Variants in TENM2 observed in about 807,000 individuals in gnomAD.
TENM2 encodes teneurin transmembrane protein 2.
A neutral mutation model predicts 245.2 loss-of-function variants in TENM2; 52 were observed. The ratio of observed to expected loss-of-function variants is 0.21; its 90% CI spans 0.17 to 0.27. The LOEUF is 0.27. Ranked by LOEUF, TENM2 falls within the 10% of genes least tolerant of loss-of-function variation. The probability of loss-of-function intolerance (pLI) is 1.00; values close to 1 mark genes in which losing one functional copy is unlikely to be tolerated. For synonymous variants in TENM2, 1,363 were observed against 1,438.9 expected (o/e 0.95, Z 1.19); for missense variants, 3,046 against 3,666.8 (o/e 0.83, Z 4.37).
At chr5:167,207,564 C>T in the TENM2 span, among the ~76,000 whole-genome samples, 5 of 152,136 alleles carry the variant, frequency 3.3e-5, 1 homozygote, top group South Asian at 4.1e-4. Context: ...CAGCCAGACA[C>T]GGAGTTAGAA....
At chr5:167,207,390 A>G in the TENM2 span, among the ~76,000 whole-genome samples, 1 of 152,188 alleles carries the variant, frequency 6.6e-6, no homozygotes. Context: ...AGGCCTGGTG[A>G]GATCAGATGT....
intron 2 of TENM2, among the ~76,000 whole-genome samples, chr5:167,414,680 C>T (rs1040787377): frequency 1.3e-5 from 2 of 152,046 alleles, no homozygotes; most frequent in African/African-American, 2.4e-5. Context: ...ACAGATTTAT[C>T]TGTGAAGTCT....
intron 3 of TENM2, among the ~76,000 whole-genome samples, chr5:167,935,285 T>C (rs996747760): frequency 2.0e-5 from 3 of 152,178 alleles, no homozygotes; most frequent in Non-Finnish European, 4.4e-5. Flanking sequence ...AAGACCCTAT[T>C]GTGAGCCTAG....
chr5:167,797,530 G>A (rs1165006600), intron 2 of TENM2, among the ~76,000 whole-genome samples: 1 of 152,192 alleles, frequency 6.6e-6, no homozygotes, highest in East Asian at 1.9e-4. Flanking sequence ...AAGCGTTTGT[G>A]GCAGTGGGGC....
At chr5:167,222,599 G>A in the TENM2 span, among the ~76,000 whole-genome samples, 1 of 143,526 alleles carries the variant, frequency 7.0e-6, no homozygotes, top group East Asian at 2.0e-4. Context: ...CTGGAAAAAT[G>A]AATCACTTTT....
chr5:167,550,846 C>T (rs1333479742), intron 2 of TENM2, among the ~76,000 whole-genome samples: 1 of 151,948 alleles, frequency 6.6e-6, no homozygotes, highest in Non-Finnish European at 1.5e-5. Context: ...TCTTCTGCCT[C>T]AGCCTCCAAG....
the TENM2 span, among the ~76,000 whole-genome samples, chr5:167,034,629 CAAAAAAAAAAAA>C: frequency 1.4e-5 from 1 of 72,256 alleles, no homozygotes; most frequent in African/African-American, 6.2e-5. Flanking sequence ...GACTCCGTCT[CAAAAAAAAAAAA>C]AAAAAAAAAA....
At chr5:167,093,132 A>T in the TENM2 span, among the ~76,000 whole-genome samples, 1 of 151,850 alleles carries the variant, frequency 6.6e-6, no homozygotes, top group East Asian at 1.9e-4. Flanking sequence ...TCTACGAAAG[A>T]GGATTCATTT....
chr5:167,041,301 C>T, the TENM2 span, among the ~76,000 whole-genome samples: 1 of 152,120 alleles, frequency 6.6e-6, no homozygotes, highest in Non-Finnish European at 1.5e-5. Flanking sequence ...AGAGAAGATT[C>T]CCTCCACAGG....
intron 3 of TENM2, among the ~76,000 whole-genome samples, chr5:167,935,699 C>G (rs1348702862): frequency 6.6e-6 from 1 of 152,102 alleles, no homozygotes; most frequent in Non-Finnish European, 1.5e-5. Flanking sequence ...GATCTGAGAA[C>G]TAAAAGATGA....
chr5:167,575,646 C>A (rs1322448355), intron 2 of TENM2, among the ~76,000 whole-genome samples: 1 of 152,140 alleles, frequency 6.6e-6, no homozygotes. Flanking sequence ...CAGAGATAAT[C>A]TCTGGTGGAA....
At chr5:167,841,013 C>G (rs1255159888) in intron 2 of TENM2, among the ~76,000 whole-genome samples, 1 of 152,022 alleles carries the variant, frequency 6.6e-6, no homozygotes, top group Non-Finnish European at 1.5e-5. Context: ...GGCAGGCTGT[C>G]CATTCATTGG....
At chr5:167,677,525 C>T (rs1756413048) in intron 2 of TENM2, among the ~76,000 whole-genome samples, 1 of 151,588 alleles carries the variant, frequency 6.6e-6, no homozygotes. Flanking sequence ...TGTCAGAATA[C>T]ATTATGGCAT....
intron 1 of TENM2, among the ~76,000 whole-genome samples, chr5:167,328,651 C>T (rs1397251126): frequency 2.0e-5 from 3 of 152,190 alleles, no homozygotes; most frequent in Admixed American, 1.3e-4. Context: ...CACACTACCT[C>T]ATGGTATTTT....
chr5:167,205,268 C>G, the TENM2 span, among the ~76,000 whole-genome samples: 1 of 152,170 alleles, frequency 6.6e-6, no homozygotes. Flanking sequence ...GTAGTCTCAG[C>G]TACTCGAGAG....
rs1411839364 is a variant in TENM2, at chr5:168,183,066, A to C, written c.2570-7271A>C. Reference sequence around the variant, plus strand: ...AGGCTGGTCTTGAACTCCTGACCTCATGATCCACCCGCCTCGGCTTCTCAA... The same window carrying C: ...AGGCTGGTCTTGAACTCCTGACCTCCTGATCCACCCGCCTCGGCTTCTCAA... On this transcript the variant is annotated intron_variant, in intron 13 of 28. Transcript: ENST00000518659. Among the ~76,000 whole-genome samples the C allele has an allele frequency of 4.1e-5, 6 of 145,198 alleles. No homozygotes were observed. The East Asian group carries it at 1.2e-3, about 28-fold the overall frequency.
chr5:167,288,570 A>AT (rs1277669367), intron 1 of TENM2, among the ~76,000 whole-genome samples: 137 of 152,090 alleles, frequency 9.0e-4, no homozygotes, highest in Non-Finnish European at 1.8e-3. Context: ...AAAAAAAAAA[A>AT]AAAAGAAAAA....
intron 4 of TENM2, among the ~76,000 whole-genome samples, chr5:167,954,637 C>T (rs1306961170): frequency 2.0e-5 from 3 of 152,154 alleles, no homozygotes; most frequent in African/African-American, 7.2e-5. Context: ...CCCTCACAGG[C>T]CCCAGTGTGT....
the TENM2 span, among the ~76,000 whole-genome samples, chr5:167,242,555 C>T: frequency 6.6e-6 from 1 of 152,148 alleles, no homozygotes; most frequent in African/African-American, 2.4e-5. Context: ...CCTCCTGTTC[C>T]TCTTCTCCAG....
Sources: gnomAD v4.1 joint callset for allele counts (sites outside exome capture counted in the v4.1 genomes callset) on GRCh38, gnomAD v4.1.1 for gene constraint, MANE v1.5 for transcripts, NCBI Gene and HGNC (gene_info 2026-07-23, HGNC 2026-07-21) for gene names.